FBXL7: variants seen among roughly 807,000 people sequenced by gnomAD.
FBXL7 encodes F-box and leucine rich repeat protein 7, also known as F-box/LRR-repeat protein 7.
In FBXL7, 12 loss-of-function variants were observed where a neutral mutation model predicts 38.3. That is an observed-to-expected ratio of 0.31 (90% CI 0.20 to 0.51). FBXL7 has a LOEUF of 0.51. Ranked by LOEUF, FBXL7 falls within the 20% of genes least tolerant of loss-of-function variation. The pLI, the probability that FBXL7 is intolerant of heterozygous loss-of-function variation, is 0.98. For missense variants in FBXL7, 567 were observed against 676.4 expected, an observed-to-expected ratio of 0.84 and a Z score of 1.79; for synonymous variants, 297 against 300.9, an observed-to-expected ratio of 0.99 and a Z score of 0.13.
At chr5:15,912,182 G>C (rs1236552256) in intron 2 of FBXL7, among the ~76,000 whole-genome samples, 1 of 62,596 alleles carries the variant, frequency 1.6e-5, no homozygotes, top group Non-Finnish European at 2.8e-5. Context: ...GCGAGATTCC[G>C]TGGGCGTAGG....
intron 2 of FBXL7, among the ~76,000 whole-genome samples, chr5:15,922,272 C>A (rs577532605): frequency 6.6e-6 from 1 of 151,862 alleles, no homozygotes; most frequent in Non-Finnish European, 1.5e-5. Flanking sequence ...AAGGCACCTG[C>A]TCTACATATG....
At chr5:15,623,648 A>C (rs1336975277) in intron 2 of FBXL7, among the ~76,000 whole-genome samples, 1 of 152,186 alleles carries the variant, frequency 6.6e-6, no homozygotes, top group Non-Finnish European at 1.5e-5. Context: ...TATACTTTTC[A>C]AACAAAATTT....
chr5:15,666,831 AC>A (rs1484664137), intron 2 of FBXL7, among the ~76,000 whole-genome samples: 2 of 152,282 alleles, frequency 1.3e-5, no homozygotes, highest in East Asian at 1.9e-4. Context: ...GTTAGAGAAA[AC>A]AAAAAATAAA....
chr5:15,745,471 A>G (rs569022300), intron 2 of FBXL7, among the ~76,000 whole-genome samples: 5 of 152,318 alleles, frequency 3.3e-5, no homozygotes, highest in African/African-American at 9.6e-5. Context: ...GCAATAAACA[A>G]ATTTTAAAAT....
chr5:15,720,523 A>T (rs548857195), intron 2 of FBXL7, among the ~76,000 whole-genome samples: 2 of 148,708 alleles, frequency 1.3e-5, no homozygotes, highest in South Asian at 4.4e-4. Context: ...TGTAAATATC[A>T]TTGAATAACT....
rs118111038 is a variant in FBXL7 at position 15,663,680 on chromosome 5, C to T, written c.127+47608C>T. 3.0e-3 allele frequency among the ~76,000 whole-genome samples: 463 copies of T among 152,222 alleles called. 2 individuals carry two copies. The highest frequency in any genetic ancestry group is 0.011 in the African/African-American group (437 of 41,538). On this transcript the variant is annotated intron_variant, in intron 2 of 3. Coordinates refer to ENST00000504595, the MANE Select transcript of FBXL7 (RefSeq NM_012304.5). ...CCTCCTGGGATGAAGCCTACTTTAT[C>T]GTGGTGGATTAGCTTTTTTATGTGC...
At chr5:15,870,486 C>G (rs1182556655) in intron 2 of FBXL7, among the ~76,000 whole-genome samples, 1 of 151,806 alleles carries the variant, frequency 6.6e-6, no homozygotes, top group Non-Finnish European at 1.5e-5. Flanking sequence ...GTTAGATACA[C>G]CTGGAAGGAA....
At chr5:15,517,645 G>A (rs111551206) in intron 1 of FBXL7, among the ~76,000 whole-genome samples, 1 of 152,192 alleles carries the variant, frequency 6.6e-6, no homozygotes, top group Non-Finnish European at 1.5e-5. Flanking sequence ...TGGCAGGAGA[G>A]TCTGTGGCAA....
intron 1 of FBXL7, among the ~76,000 whole-genome samples, chr5:15,539,724 CT>C (rs112753208): frequency 0.044 from 6,596 of 151,020 alleles, 267 homozygotes; most frequent in African/African-American, 0.11. Context: ...ATCTCCTAGG[CT>C]TTTTTTTTCC....
intron 2 of FBXL7, among the ~76,000 whole-genome samples, chr5:15,889,634 A>G (rs773680906): frequency 1.3e-5 from 2 of 152,186 alleles, no homozygotes; most frequent in Non-Finnish European, 2.9e-5. Context: ...AATGCTTGTG[A>G]TGTACCCCAT....
At chr5:15,885,440 C>T (rs1047661554) in intron 2 of FBXL7, among the ~76,000 whole-genome samples, 1 of 152,174 alleles carries the variant, frequency 6.6e-6, no homozygotes, top group Admixed American at 6.5e-5. Flanking sequence ...TCCACACACT[C>T]CAGGGGATGT....
At chr5:15,933,891 GA>G (rs1742106550) in intron 3 of FBXL7, among the ~76,000 whole-genome samples, 1 of 152,146 alleles carries the variant, frequency 6.6e-6, no homozygotes, top group Non-Finnish European at 1.5e-5. Context: ...GATTTGAGAA[GA>G]GCAGAGAGAA....
At chr5:15,827,152 T>G (rs958122986) in intron 2 of FBXL7, among the ~76,000 whole-genome samples, 1 of 152,166 alleles carries the variant, frequency 6.6e-6, no homozygotes, top group Non-Finnish European at 1.5e-5. Context: ...CCTGCTCTGC[T>G]CTGCCTTTGT....
chr5:15,878,095 C>T (rs575957969), intron 2 of FBXL7, among the ~76,000 whole-genome samples: 8 of 152,150 alleles, frequency 5.3e-5, no homozygotes, highest in Non-Finnish European at 1.0e-4. Flanking sequence ...ATGAGGACAA[C>T]GTGAGTGTGA....
intron 2 of FBXL7, among the ~76,000 whole-genome samples, chr5:15,655,983 A>C (rs968596114): frequency 6.6e-6 from 1 of 152,186 alleles, no homozygotes; most frequent in Non-Finnish European, 1.5e-5. Context: ...CATTTTGTGC[A>C]TAGGATAAGA....
intron 2 of FBXL7, among the ~76,000 whole-genome samples, chr5:15,746,766 TG>T (rs779043699): frequency 6.6e-6 from 1 of 152,188 alleles, no homozygotes; most frequent in Non-Finnish European, 1.5e-5. Flanking sequence ...GTCTAGTGAA[TG>T]GCCTTTGTTT....
chr5:15,860,265 A>T (rs1739420873), intron 2 of FBXL7, among the ~76,000 whole-genome samples: 1 of 152,224 alleles, frequency 6.6e-6, no homozygotes, highest in African/African-American at 2.4e-5. Flanking sequence ...CCTATCTGAC[A>T]GCCTAGAGTT....
intron 2 of FBXL7, among the ~76,000 whole-genome samples, chr5:15,698,400 C>G (rs1415914036): frequency 6.6e-6 from 1 of 152,086 alleles, no homozygotes; most frequent in Non-Finnish European, 1.5e-5. Context: ...TTTAAGGAGT[C>G]CTGATACCGA....
At chr5:15,667,980 T>G (rs1742341522) in intron 2 of FBXL7, among the ~76,000 whole-genome samples, 3 of 152,330 alleles carry the variant, frequency 2.0e-5, no homozygotes, top group Admixed American at 1.3e-4. Flanking sequence ...CTTCATAGGT[T>G]GCTGGAAGCG....
Sources: allele counts gnomAD v4.1 joint callset (sites outside exome capture counted in the v4.1 genomes callset), GRCh38; gene constraint gnomAD v4.1.1; transcripts MANE v1.5; gene names NCBI Gene and HGNC (gene_info 2026-07-23, HGNC 2026-07-21).